The following AGFG2 variants were observed in gnomAD, a reference collection of about 807,000 sequenced individuals.
The protein encoded by AGFG2 is ArfGAP with FG repeats 2.
AGFG2 carries 31 observed loss-of-function variants against 48.0 expected under a neutral mutation model. That is an observed-to-expected ratio of 0.65 (90% CI 0.49 to 0.87). The LOEUF (loss-of-function observed/expected upper bound fraction) is 0.87, where lower values mean the gene tolerates loss of function less well. Ranked by LOEUF, AGFG2 falls within the 40% of genes least tolerant of loss-of-function variation. The pLI is 0.00. For missense variants in AGFG2, 599 were observed against 632.6 expected (o/e 0.95, Z 0.57); for synonymous variants, 229 against 260.8 (o/e 0.88, Z 1.18).
chr7:100,551,697 A>G (rs1800648696), intron 3 of AGFG2, among the ~76,000 whole-genome samples: 1 of 150,942 alleles, frequency 6.6e-6, no homozygotes. Flanking sequence ...TAGCCTGGCC[A>G]ACATGGTGAA....
Position 100,558,221 on chromosome 7 carries a change from C to G in AGFG2, c.877+2486C>G, listed in dbSNP as rs150476311. Among the ~76,000 whole-genome samples the G allele has an allele frequency of 2.9e-3, 443 of 151,982 alleles. 3 individuals are homozygous for G. The highest frequency in any genetic ancestry group is 0.01 in the African/African-American group (426 of 41,506). On this transcript the variant is annotated intron_variant, in intron 6 of 11. Coordinates refer to ENST00000300176, the MANE Select transcript of AGFG2 (RefSeq NM_006076.5). Reference sequence around the variant, plus strand: ...AAGAGCGAGACTTTGTCTCGAAAAACAAAAAAACAAAAGAAAATATCCTCA... The same window carrying G: ...AAGAGCGAGACTTTGTCTCGAAAAAGAAAAAAACAAAAGAAAATATCCTCA...
chr7:100,554,230 A>G lies in AGFG2; in HGVS notation c.723A>G (p.Pro241=). The stretch of plus-strand genomic sequence containing the variant: ...CCTTTGCTGCACCCCAGATGGCACC[A>G]GCTTTTGCTGCATTCCCTGCCTTTG... ...GDPFAAPQMA[P]AFAAFPAFGG... Residue 241 remains proline (P), a synonymous_variant, in exon 5 of 12, where the codon CCA becomes CCG. Transcript: ENST00000300176. 6.2e-7 allele frequency: 1 copy of G among 1,613,844 alleles called. No homozygotes were observed. The highest frequency in any genetic ancestry group is 8.5e-7 in the Non-Finnish European group (1 of 1,179,844).
intron 1 of AGFG2, among the ~76,000 whole-genome samples, chr7:100,542,570 G>C (rs1172349064): frequency 6.6e-6 from 1 of 152,144 alleles, no homozygotes; most frequent in African/African-American, 2.4e-5. Flanking sequence ...GCATGACAAG[G>C]GCAAGGCATA....
chr7:100,553,603 A>G, intron 4 of AGFG2, 103 bp downstream of exon 4: 1 of 1,385,014 alleles, frequency 7.2e-7, no homozygotes, highest in Non-Finnish European at 9.7e-7. Context: ...ACAGTGCAGG[A>G]GCTGTGAGTT....
chr7:100,553,597 T>C, intron 4 of AGFG2, 97 bp downstream of exon 4: 2 of 1,418,434 alleles, frequency 1.4e-6, no homozygotes, highest in East Asian at 2.4e-5. Context: ...CAGACAACAG[T>C]GCAGGAGCTG....
At chr7:100,539,645 C>T (rs969452140) in intron 1 of AGFG2, 78 bp downstream of exon 1, 12 of 1,093,140 alleles carry the variant, frequency 1.1e-5, no homozygotes, top group African/African-American at 1.8e-5. Context: ...GGCTCCGGGG[C>T]GCGAGGGAAG....
chr7:100,561,937 A>G (rs1298820817), intron 6 of AGFG2, among the ~76,000 whole-genome samples: 1 of 152,126 alleles, frequency 6.6e-6, no homozygotes, highest in East Asian at 1.9e-4. Flanking sequence ...CTCTTGAGGG[A>G]AAAGTGAGAC....
intron 6 of AGFG2, among the ~76,000 whole-genome samples, chr7:100,558,169 G>C (rs1479515600): frequency 6.6e-6 from 1 of 152,192 alleles, no homozygotes; most frequent in African/African-American, 2.4e-5. Flanking sequence ...AGCAGACATC[G>C]TGCTGTTGCG....
chr7:100,567,042 TCTC>T lies in AGFG2; in HGVS notation c.*2055_*2057del, dbSNP rs1801024559. The T allele has an allele frequency of 6.5e-6, 1 of 152,796 alleles. No homozygotes were observed. Among genetic ancestry groups the T allele is most frequent in the African/African-American group, 2.4e-5 (1 of 41,430 alleles). 9.5% of individuals were successfully genotyped at this position (152,796 alleles called of 1,614,324 possible). A position where few individuals can be genotyped will look rare whatever the true frequency, so the allele number is the denominator to read the frequency against. On this transcript the variant is annotated 3_prime_UTR_variant, in exon 12 of 12. Coordinates refer to ENST00000300176, the MANE Select transcript of AGFG2 (RefSeq NM_006076.5). ...TGTCACCCTGTGCTGTCTCCCGGCATCTCCTCACTATCTGGGTCCAGGCCCGGG... is the reference window on the plus strand; with the variant it reads ...TGTCACCCTGTGCTGTCTCCCGGCATCTCACTATCTGGGTCCAGGCCCGGG...
At chr7:100,550,923 C>T (rs1193122704) in intron 3 of AGFG2, among the ~76,000 whole-genome samples, 1 of 146,092 alleles carries the variant, frequency 6.8e-6, no homozygotes, top group Admixed American at 6.8e-5. Flanking sequence ...TGCAGTGCCA[C>T]AGTCACAGCT....
At chr7:100,548,718 A>G in intron 1 of AGFG2, 104 bp from the exon 2 acceptor site, 1 of 788,654 alleles carries the variant, frequency 1.3e-6, no homozygotes, top group Non-Finnish European at 2.2e-6. Flanking sequence ...AGCTTAGTTT[A>G]TATGCTATTC....
intron 1 of AGFG2, among the ~76,000 whole-genome samples, chr7:100,546,506 G>T (rs896066225): frequency 6.6e-6 from 1 of 152,232 alleles, no homozygotes; most frequent in Non-Finnish European, 1.5e-5. Flanking sequence ...CCCTACTGCA[G>T]TAAGAAGTAC....
Position 100,562,431 on chromosome 7 carries a change from C to T in AGFG2, c.998+52C>T. 6.2e-7 allele frequency: 1 copy of T among 1,606,588 alleles called. No individual in the cohort carries two copies. Among genetic ancestry groups the T allele is most frequent in the Non-Finnish European group, 8.5e-7 (1 of 1,175,344 alleles). On this transcript the variant is annotated intron_variant, in intron 7 of 11. Coordinates refer to ENST00000300176, the MANE Select transcript of AGFG2 (RefSeq NM_006076.5). The surrounding 1 kb of genome is among the most constrained non-coding windows in gnomAD (Gnocchi z 5.4). Reference sequence around the variant, plus strand: ...TGTAGGGCAGGAGAGCCGCCCGAAGCCTGGCCATGTTCCTCCCAGCCCCAT... The same window carrying T: ...TGTAGGGCAGGAGAGCCGCCCGAAGTCTGGCCATGTTCCTCCCAGCCCCAT...
chr7:100,539,250 G>C lies in AGFG2; in HGVS notation c.-97G>C, dbSNP rs1800369021. Reference sequence around the variant, plus strand: ...GGATGCCGCCCGCTCCCGAGCTTCTGTCAGGGGAGCCGGGCGTGCGGAGGC... The same window carrying C: ...GGATGCCGCCCGCTCCCGAGCTTCTCTCAGGGGAGCCGGGCGTGCGGAGGC... On this transcript the variant is annotated 5_prime_UTR_variant, in exon 1 of 12. Transcript: ENST00000300176. 2.5e-6 allele frequency: 3 copies of C among 1,209,494 alleles called. No individual in the cohort carries two copies. Among genetic ancestry groups the C allele is most frequent in the Non-Finnish European group, 3.1e-6 (3 of 953,810 alleles). The allele number at this position is 1,209,494 out of a possible 1,614,324, so 74.9% of individuals were successfully genotyped here.
intron 1 of AGFG2, among the ~76,000 whole-genome samples, chr7:100,545,172 C>T (rs909191276): frequency 6.6e-6 from 1 of 152,100 alleles, no homozygotes; most frequent in Non-Finnish European, 1.5e-5. Context: ...TTCCCAAGTC[C>T]AAATTTGGCA....
rs983245424 is a variant in AGFG2 at position 100,565,256 on chromosome 7, AG to A, written c.*268del. ...CCTGGAGGAGTGATGGTTGAGGGGGAGGGATTTTTTTCAAATGATCAGTCCC... is the reference window on the plus strand; with the variant it reads ...CCTGGAGGAGTGATGGTTGAGGGGGAGGATTTTTTTCAAATGATCAGTCCC... On this transcript the variant is annotated 3_prime_UTR_variant, in exon 12 of 12. Transcript: ENST00000300176. 2.4e-5 allele frequency: 13 copies of A among 548,914 alleles called. No individual in the cohort carries two copies. The highest frequency in any genetic ancestry group is 1.9e-4 in the African/African-American group (10 of 52,560). 34.0% of individuals were successfully genotyped at this position (548,914 alleles called of 1,614,324 possible). A position where few individuals can be genotyped will look rare whatever the true frequency, so the allele number is the denominator to read the frequency against.
rs1362144331 is a variant in AGFG2 at position 100,568,218 on chromosome 7, G to T, written c.*3227G>T. 1 of 152,586 alleles carries T rather than the reference G, an allele frequency of 6.6e-6. No homozygotes were observed. Among genetic ancestry groups the T allele is most frequent in the African/African-American group, 2.4e-5 (1 of 41,438 alleles). 9.5% of individuals were successfully genotyped at this position (152,586 alleles called of 1,614,324 possible). On this transcript the variant is annotated 3_prime_UTR_variant, in exon 12 of 12. Coordinates refer to ENST00000300176, the MANE Select transcript of AGFG2 (RefSeq NM_006076.5). Reference sequence around the variant, plus strand: ...GAAGGAATAAAGAGATCTTCCTCAGGTATCTTCAAGCCTCAGGGAGTAAAA... The same window carrying T: ...GAAGGAATAAAGAGATCTTCCTCAGTTATCTTCAAGCCTCAGGGAGTAAAA...
At chr7:100,551,226 C>T (rs1476759576) in intron 3 of AGFG2, among the ~76,000 whole-genome samples, 1 of 150,642 alleles carries the variant, frequency 6.6e-6, no homozygotes, top group Non-Finnish European at 1.5e-5. Context: ...CCCGCCACCA[C>T]ACCCAGCTAA....
At chr7:100,550,003 A>G (rs1800595052) in intron 2 of AGFG2, among the ~76,000 whole-genome samples, 1 of 152,164 alleles carries the variant, frequency 6.6e-6, no homozygotes, top group Non-Finnish European at 1.5e-5. Context: ...ATATGTATTT[A>G]CTGATGAATA....
Sources: gnomAD v4.1 joint callset for allele counts (sites outside exome capture counted in the v4.1 genomes callset) on GRCh38, gnomAD v4.1.1 for gene constraint, Gnocchi (gnomAD v3.1) non-coding constraint, MANE v1.5 for transcripts, NCBI Gene and HGNC (gene_info 2026-07-23, HGNC 2026-07-21) for gene names.